The following MTSS2 variants were observed in gnomAD, a reference collection of about 807,000 sequenced individuals.
MTSS2 encodes the protein MTSS I-BAR domain containing 2.
MTSS2 carries 27 observed loss-of-function variants against 67.1 expected under a neutral mutation model. That is an observed-to-expected ratio of 0.40 (90% CI 0.30 to 0.55). The LOEUF is 0.55. Ranked by LOEUF, MTSS2 falls within the 20% of genes least tolerant of loss-of-function variation. The pLI is 0.43. For missense variants in MTSS2, 1,171 were observed against 1,067.8 expected, an observed-to-expected ratio of 1.10 and a Z score of -1.35; for synonymous variants, 624 against 468.6, an observed-to-expected ratio of 1.33 and a Z score of -4.28.
In MTSS2 at chr16:70,663,744, G is replaced by T; in HGVS notation, c.2177C>A (p.Ala726Asp). Residue 726 changes from alanine to aspartate, a missense_variant, in exon 15 of 15, where the codon GCC becomes GAC. Physicochemically the swap from Ala to Asp is moderately radical, Grantham distance 126. Transcript: ENST00000338779. ...GCGGAGCCGGACCCCACGCCGGATG[G>T]CCACCAGCATGTCTTCGGCCGGGGG... ...SDPPAEDMLV[A>D]IRRGVRLRRT... 6.4e-7 allele frequency: 1 copy of T among 1,573,168 alleles called. No homozygotes were observed. Among genetic ancestry groups the T allele is most frequent in the Non-Finnish European group, 8.6e-7 (1 of 1,162,382 alleles).
intron 1 of MTSS2, among the ~76,000 whole-genome samples, chr16:70,684,616 G>C (rs75188491): frequency 1.2e-4 from 18 of 152,264 alleles, no homozygotes; most frequent in African/African-American, 4.3e-4. Context: ...TGCACTTGGA[G>C]AATCTGCGCT....
chr16:70,668,238 C>A (rs367565127), intron 11 of MTSS2, among the ~76,000 whole-genome samples: 2 of 151,856 alleles, frequency 1.3e-5, no homozygotes, highest in South Asian at 4.2e-4. Flanking sequence ...CATGACAAAA[C>A]CCCAATACAA....
intron 11 of MTSS2, among the ~76,000 whole-genome samples, chr16:70,672,341 C>CAAAAAAAA (rs11297993): frequency 3.7e-4 from 30 of 80,846 alleles, no homozygotes; most frequent in African/African-American, 4.7e-4. Context: ...GAGCAAAATT[C>CAAAAAAAA]AAAAAAAAAA....
Position 70,664,716 on chromosome 16 carries a change from C to T in MTSS2, c.1353G>A (p.Leu451=). Reference sequence around the variant, plus strand: ...GGTGCTCCAGGCTCAGGCCCCGCGTCAGCACCATGGCCAGGTCACTGGCGG... The same window carrying T: ...GGTGCTCCAGGCTCAGGCCCCGCGTTAGCACCATGGCCAGGTCACTGGCGG... ...SPAASDLAMV[L]TRGLSLEHQK... The change falls in exon 14 of 15, where the codon CTG becomes CTA. Residue 451 remains leucine (L), a synonymous_variant. Coordinates refer to ENST00000338779, the MANE Select transcript of MTSS2 (RefSeq NM_138383.3). The T allele has an allele frequency of 6.2e-6, 10 of 1,613,194 alleles. No individual in the cohort carries two copies. Among genetic ancestry groups the T allele is most frequent in the Admixed American group, 1.7e-5 (1 of 59,956 alleles).
At chr16:70,668,783 T>C (rs1047874576) in intron 11 of MTSS2, among the ~76,000 whole-genome samples, 2 of 152,252 alleles carry the variant, frequency 1.3e-5, no homozygotes, top group African/African-American at 2.4e-5. Context: ...GTGACATCTA[T>C]GAACCACAAA....
chr16:70,678,254 C>T lies in MTSS2; in HGVS notation c.622G>A (p.Val208Met). ...CTFITFLQPV[V>M]NGELTMLGEI... ...GTCTGAGTCCCCAGGAGTCCCACCA[C>T]CACAGGCTGCAGGAAGGTGATGAAG... The change falls in exon 8 of 15, where the codon GTG (valine) becomes ATG (methionine). Residue 208 changes from valine to methionine, a missense_variant and splice_region_variant. Coordinates refer to ENST00000338779, the MANE Select transcript of MTSS2 (RefSeq NM_138383.3). 6.2e-7 allele frequency: 1 copy of T among 1,607,000 alleles called. No homozygotes were observed. Among genetic ancestry groups the T allele is most frequent in the Non-Finnish European group, 8.5e-7 (1 of 1,177,288 alleles).
intron 4 of MTSS2, 39 bp from the exon 5 acceptor site, chr16:70,679,916 T>C (rs1013807675): frequency 6.5e-7 from 1 of 1,540,250 alleles, no homozygotes; most frequent in Non-Finnish European, 8.7e-7. Context: ...AGGGCCGGGC[T>C]CCCCCGCGAC....
At position 70,665,674 on chromosome 16, in the gene MTSS2, A is replaced by AC. The variant is rs376393826; in HGVS notation, c.1054-135dup. The AC allele has an allele frequency of 1.9e-3, 1,187 of 615,244 alleles. 10 individuals carry two copies. The African/African-American group carries it at 0.02, about 10-fold the overall frequency. 38.1% of individuals were successfully genotyped at this position (615,244 alleles called of 1,614,324 possible). ...CAATTCAGCGCCTTGCCCAGCACCCACCCCCCCTACCCCAGGGCCACGGCC... is the reference window on the plus strand; with the variant it reads ...CAATTCAGCGCCTTGCCCAGCACCCACCCCCCCCTACCCCAGGGCCACGGCC... On this transcript the variant is annotated intron_variant, in intron 11 of 14. Coordinates refer to ENST00000338779, the MANE Select transcript of MTSS2 (RefSeq NM_138383.3).
rs756548353 is a variant in MTSS2, at chr16:70,674,337, G to T, written c.1022C>A (p.Pro341His). The change falls in exon 11 of 15, where the codon CCC becomes CAC. Residue 341 changes from proline to histidine, a missense_variant. By Grantham distance (77) the Pro-to-His change is moderately conservative. Around this residue, in one of 2 missense-constraint regions of MTSS2, gnomAD observed 924 missense variants for 756.0 expected, o/e 1.22. Transcript: ENST00000338779. ...GGTGATGTCTGAAGGCATAGGCGAG[G>T]GGGGCTTGGAGTAGGTGGCGTCCTG... ...VSQDATYSKP[P>H]SPMPSDITSQ... 2 of 1,613,980 alleles carry T rather than the reference G, an allele frequency of 1.2e-6. No individual in the cohort carries two copies. The highest frequency in any genetic ancestry group is 2.2e-5 in the South Asian group (2 of 91,058).
chr16:70,671,680 C>G (rs570996673), intron 11 of MTSS2, among the ~76,000 whole-genome samples: 1 of 152,142 alleles, frequency 6.6e-6, no homozygotes, highest in Non-Finnish European at 1.5e-5. Context: ...TTCATCCTCT[C>G]AAAAGTATCC....
intron 11 of MTSS2, among the ~76,000 whole-genome samples, chr16:70,668,934 GA>G (rs2052822281): frequency 6.6e-6 from 1 of 151,988 alleles, no homozygotes; most frequent in African/African-American, 2.4e-5. Context: ...GACTAAGACA[GA>G]TTTTTTTTTT....
At position 70,663,381 on chromosome 16, in the gene MTSS2, T is replaced by G; in HGVS notation, c.*296A>C. ...TCATGGGCAGCGGCCCTGGCTCTGGTGCTTATGGGTAGGGAAGAGGCAGGG... is the reference window on the plus strand; with the variant it reads ...TCATGGGCAGCGGCCCTGGCTCTGGGGCTTATGGGTAGGGAAGAGGCAGGG... On this transcript the variant is annotated 3_prime_UTR_variant, in exon 15 of 15. Coordinates refer to ENST00000338779, the MANE Select transcript of MTSS2 (RefSeq NM_138383.3). The G allele has an allele frequency of 4.7e-6, 2 of 423,376 alleles. No individual in the cohort carries two copies. The highest frequency in any genetic ancestry group is 4.2e-5 in the South Asian group (1 of 24,056). 26.2% of individuals were successfully genotyped at this position (423,376 alleles called of 1,614,324 possible). A position where few individuals can be genotyped will look rare whatever the true frequency, so the allele number is the denominator to read the frequency against.
chr16:70,683,999 C>T (rs1234960385), intron 1 of MTSS2, among the ~76,000 whole-genome samples: 5 of 152,222 alleles, frequency 3.3e-5, no homozygotes, highest in East Asian at 3.8e-4. Flanking sequence ...AAATCATGCC[C>T]GATGTCTGGC....
rs933211338 is a variant in MTSS2, at chr16:70,663,034, C to CA, written c.*642_*643insT. 3.3e-5 allele frequency: 5 copies of CA among 152,406 alleles called. No individual in the cohort carries two copies. Among genetic ancestry groups the CA allele is most frequent in the Middle Eastern group, 3.4e-3 (1 of 294 alleles). The allele number at this position is 152,406 out of a possible 1,614,324, so 9.4% of individuals were successfully genotyped here. A position where few individuals can be genotyped will look rare whatever the true frequency, so the allele number is the denominator to read the frequency against. On this transcript the variant is annotated 3_prime_UTR_variant, in exon 15 of 15. Coordinates refer to ENST00000338779, the MANE Select transcript of MTSS2 (RefSeq NM_138383.3). ...CACAGGGCCCCCAAGACCCCCCCCCCCAAGCAGCCCCTGGTTTCCTCCCTG... is the reference window on the plus strand; with the variant it reads ...CACAGGGCCCCCAAGACCCCCCCCCCACAAGCAGCCCCTGGTTTCCTCCCTG...
chr16:70,673,356 TG>T, intron 11 of MTSS2, among the ~76,000 whole-genome samples: 1 of 152,204 alleles, frequency 6.6e-6, no homozygotes, highest in Non-Finnish European at 1.5e-5. Context: ...CATCAGTGAC[TG>T]ACAGCTGACC....
chr16:70,664,274 C>T lies in MTSS2; in HGVS notation c.1647G>A (p.Thr549=), dbSNP rs146594262. Residue 549 remains threonine, a synonymous_variant, in exon 15 of 15, where the codon ACG becomes ACA. Transcript: ENST00000338779. ...GTGCGCCCGAGGGCAGGCCAGTGGC[C>T]GTGGGCAGCCCCGCGGTGGGCAGCC... ...TAGLPTAGLP[T]ATGLPSGAPP... is the part of the protein sequence containing the mutation. 0.012 allele frequency: 19,040 copies of T among 1,557,386 alleles called. 165 individuals are homozygous for T. Among genetic ancestry groups the T allele is most frequent in the Non-Finnish European group, 0.015 (17,022 of 1,159,144 alleles).
chr16:70,664,797 G>GC lies in MTSS2; in HGVS notation c.1306-35dup, dbSNP rs769683681. 3.2e-5 allele frequency: 50 copies of GC among 1,572,720 alleles called. No individual in the cohort carries two copies. In the Admixed American group the frequency reaches 4.4e-4, roughly 14 times the overall value. On this transcript the variant is annotated intron_variant, in intron 13 of 14. Transcript: ENST00000338779. ...GGGAAAGTGCAGGCTGAAGCCTTGC[G>GC]CCCCCAATCCCCTCTGCCCAAATTC...
At chr16:70,667,319 A>G (rs2052753449) in intron 11 of MTSS2, among the ~76,000 whole-genome samples, 1 of 97,850 alleles carries the variant, frequency 1.0e-5, no homozygotes, top group African/African-American at 4.1e-5. Flanking sequence ...TACAAGTAAC[A>G]TAATAGTATA....
At chr16:70,679,479 G>C in intron 6 of MTSS2, 151 bp downstream of exon 6, 1 of 1,196,304 alleles carries the variant, frequency 8.4e-7, no homozygotes, top group African/African-American at 1.5e-5. Flanking sequence ...GGGAAGGGCA[G>C]CTCCCTCTGT....
Sources: allele counts gnomAD v4.1 joint callset (sites outside exome capture counted in the v4.1 genomes callset), GRCh38; gene constraint gnomAD v4.1.1; regional missense constraint gnomAD v4.1.1; transcripts MANE v1.5; gene names NCBI Gene and HGNC (gene_info 2026-07-23, HGNC 2026-07-21).